KCNIP4: variants seen among roughly 807,000 people sequenced by gnomAD.
KCNIP4 encodes the protein Kv channel-interacting protein 4.
KCNIP4 carries 12 observed loss-of-function variants against 34.0 expected under a neutral mutation model. The observed-to-expected ratio is 0.35, with a 90% confidence interval of 0.23 to 0.57. The LOEUF is 0.57. KCNIP4 is among the 20% of genes least tolerant of loss of function. The pLI is 0.83. For missense variants in KCNIP4, 238 were observed against 311.7 expected, an observed-to-expected ratio of 0.76 and a Z score of 1.78; for synonymous variants, 124 against 102.2, an observed-to-expected ratio of 1.21 and a Z score of -1.29.
At chr4:20,948,881 G>T (rs1017040334) in intron 1 of KCNIP4, among the ~76,000 whole-genome samples, 2 of 152,088 alleles carry the variant, frequency 1.3e-5, no homozygotes, top group East Asian at 3.9e-4. Flanking sequence ...TTACCAATTG[G>T]TTCCTTTTTC....
chr4:21,355,831 A>G (rs969859342), intron 1 of KCNIP4, among the ~76,000 whole-genome samples: 2 of 152,092 alleles, frequency 1.3e-5, no homozygotes, highest in African/African-American at 2.4e-5. Flanking sequence ...ATCCCAAAAC[A>G]TGGCAGAGAC....
At chr4:21,797,726 C>T (rs1720714930) in intron 1 of KCNIP4, among the ~76,000 whole-genome samples, 1 of 152,050 alleles carries the variant, frequency 6.6e-6, no homozygotes, top group Non-Finnish European at 1.5e-5. Context: ...TACTGACCTT[C>T]AATATTATAC....
At chr4:21,806,604 C>A (rs1721313024) in intron 1 of KCNIP4, among the ~76,000 whole-genome samples, 1 of 152,144 alleles carries the variant, frequency 6.6e-6, no homozygotes, top group Non-Finnish European at 1.5e-5. Flanking sequence ...GTATTCAGCA[C>A]TGAAATACAA....
chr4:21,647,393 T>C (rs1241841570), intron 1 of KCNIP4, among the ~76,000 whole-genome samples: 1 of 152,092 alleles, frequency 6.6e-6, no homozygotes, highest in African/African-American at 2.4e-5. Context: ...CCTGATCTCA[T>C]ATTAATATGA....
chr4:21,092,047 A>G (rs1194957980), intron 1 of KCNIP4, among the ~76,000 whole-genome samples: 1 of 152,182 alleles, frequency 6.6e-6, no homozygotes, highest in African/African-American at 2.4e-5. Flanking sequence ...TTCAAACTCA[A>G]GTTTGTCCAA....
chr4:21,838,750 G>C (rs931642103), intron 1 of KCNIP4, among the ~76,000 whole-genome samples: 3 of 152,084 alleles, frequency 2.0e-5, no homozygotes, highest in Non-Finnish European at 4.4e-5. Context: ...CAAACAGTTT[G>C]GGGCTCTGGA....
rs562663166 is a variant in KCNIP4 at position 21,117,313 on chromosome 4, G to C, written c.62-234604C>G. ...GGCCGGGGTTGCCGGGGGGGGGGGG[G>C]GGGGGGCGCTGTTTTTCATCTTCCT... On this transcript the variant is annotated intron_variant, in intron 1 of 8. Coordinates refer to ENST00000382152, the MANE Select transcript of KCNIP4 (RefSeq NM_025221.6). 1.6e-3 allele frequency among the ~76,000 whole-genome samples: 218 copies of C among 136,650 alleles called. 10 individuals carry two copies. Among genetic ancestry groups the C allele is most frequent in the East Asian group, 5.7e-3 (22 of 3,834 alleles). The allele number at this position is 136,650 out of a possible 152,430, so 89.6% of individuals were successfully genotyped here. A position where few individuals can be genotyped will look rare whatever the true frequency, so the allele number is the denominator to read the frequency against.
chr4:21,799,044 A>AT (rs1435436678), intron 1 of KCNIP4, among the ~76,000 whole-genome samples: 1 of 152,164 alleles, frequency 6.6e-6, no homozygotes, highest in African/African-American at 2.4e-5. Context: ...AAAAATGAAA[A>AT]AAAAACCTCT....
chr4:21,106,146 G>A (rs1306895142), intron 1 of KCNIP4, among the ~76,000 whole-genome samples: 1 of 151,510 alleles, frequency 6.6e-6, no homozygotes, highest in Non-Finnish European at 1.5e-5. Flanking sequence ...TTTTTCTATT[G>A]ATTGGAATAG....
intron 1 of KCNIP4, among the ~76,000 whole-genome samples, chr4:21,869,953 G>C (rs1725684221): frequency 6.6e-6 from 1 of 152,110 alleles, no homozygotes; most frequent in African/African-American, 2.4e-5. Context: ...TGAAATACCT[G>C]CATATTCTGT....
chr4:21,652,845 G>A (rs1747611817), intron 1 of KCNIP4, among the ~76,000 whole-genome samples: 1 of 152,188 alleles, frequency 6.6e-6, no homozygotes, highest in Admixed American at 6.5e-5. Flanking sequence ...GTGGGAGCAA[G>A]AGGAAGCAAA....
At position 20,790,555 on chromosome 4, in the gene KCNIP4, A is replaced by AT. The variant is rs35279860; in HGVS notation, c.289-31666dup. On this transcript the variant is annotated intron_variant, in intron 3 of 8. Transcript: ENST00000382152. ...ATTTTATAAGCTTTCTTAATTTTTA[A>AT]TTTTTTTTTTTTACTTTTTAAACTT... Among the ~76,000 whole-genome samples, 824 of 150,128 alleles carry AT rather than the reference A, an allele frequency of 5.5e-3. 3 individuals carry two copies. The highest frequency in any genetic ancestry group is 0.018 in the African/African-American group (724 of 40,962).
chr4:21,258,237 T>A (rs866274343), intron 1 of KCNIP4, among the ~76,000 whole-genome samples: 5 of 152,288 alleles, frequency 3.3e-5, no homozygotes, highest in South Asian at 2.1e-4. Flanking sequence ...TAAATTTAGG[T>A]AGATTTGAGA....
chr4:21,701,919 G>T (rs1259374969), intron 1 of KCNIP4, among the ~76,000 whole-genome samples: 14 of 152,028 alleles, frequency 9.2e-5, no homozygotes. Flanking sequence ...GGCCAGGCTG[G>T]TCTCAAACTC....
intron 1 of KCNIP4, among the ~76,000 whole-genome samples, chr4:21,257,949 G>GT (rs1287671157): frequency 6.6e-6 from 1 of 152,024 alleles, no homozygotes; most frequent in Non-Finnish European, 1.5e-5. Flanking sequence ...CGTTCTGATT[G>GT]TTTTTTCTTG....
intron 1 of KCNIP4, among the ~76,000 whole-genome samples, chr4:21,689,619 A>G (rs1329445511): frequency 6.6e-6 from 1 of 152,214 alleles, no homozygotes; most frequent in Non-Finnish European, 1.5e-5. Flanking sequence ...TATTTATATT[A>G]TTGTCATTAA....
At chr4:20,955,043 G>T (rs920051622) in intron 1 of KCNIP4, among the ~76,000 whole-genome samples, 1 of 152,150 alleles carries the variant, frequency 6.6e-6, no homozygotes, top group Non-Finnish European at 1.5e-5. Context: ...AGAGAGGCAG[G>T]CCCAGGGTAG....
intron 1 of KCNIP4, among the ~76,000 whole-genome samples, chr4:21,817,394 G>C (rs1204881850): frequency 6.6e-6 from 1 of 152,104 alleles, no homozygotes; most frequent in Non-Finnish European, 1.5e-5. Flanking sequence ...TGTACAAATT[G>C]ATTGTAAAAC....
intron 1 of KCNIP4, among the ~76,000 whole-genome samples, chr4:21,013,623 A>C (rs188044916): frequency 6.6e-6 from 1 of 152,286 alleles, no homozygotes. Context: ...CCTCAAAGGA[A>C]TGTTCATTTC....
Sources: gnomAD v4.1 joint callset for allele counts (sites outside exome capture counted in the v4.1 genomes callset) on GRCh38, gnomAD v4.1.1 for gene constraint, MANE v1.5 for transcripts, NCBI Gene and HGNC (gene_info 2026-07-23, HGNC 2026-07-21) for gene names.